Variants in ARHGEF28 observed in about 807,000 individuals in gnomAD.
ARHGEF28 encodes 190 kDa guanine nucleotide exchange factor.
In ARHGEF28, 152 loss-of-function variants were observed where a neutral mutation model predicts 206.6. The ratio of observed to expected loss-of-function variants is 0.74; its 90% CI spans 0.64 to 0.84. ARHGEF28 has a LOEUF of 0.84. Ranked by LOEUF, ARHGEF28 falls within the 40% of genes least tolerant of loss-of-function variation. The pLI is 0.00. For missense variants in ARHGEF28, 2,028 were observed against 2,073.2 expected (o/e 0.98, Z 0.42); for synonymous variants, 763 against 776.4 (o/e 0.98, Z 0.29).
intron 25 of ARHGEF28, 183 bp from the exon 26 acceptor site, chr5:73,887,420 A>C (rs1416478299): frequency 6.7e-6 from 3 of 448,950 alleles, no homozygotes; most frequent in Non-Finnish European, 1.2e-5. Flanking sequence ...AGCCACACAC[A>C]AACATGCACA....
At position 73,870,120 on chromosome 5, in the gene ARHGEF28, T is replaced by C; in HGVS notation, c.2477T>C (p.Phe826Ser). 6.2e-7 allele frequency: 1 copy of C among 1,613,972 alleles called. No homozygotes were observed. The change falls in exon 21 of 36, where the codon TTT (phenylalanine) becomes TCT (serine). Residue 826 changes from phenylalanine to serine, a missense_variant. Coordinates refer to ENST00000513042, the MANE Select transcript of ARHGEF28 (RefSeq NM_001177693.2). ...GACCTCAGCAGTGATGCCCAGGAGT[T>C]TGAAGCAGAATCTTGGAGTCTTGTG... The part of the protein sequence containing the change: ...WSDLSSDAQE[F>S]EAESWSLVVD...
intron 2 of ARHGEF28, among the ~76,000 whole-genome samples, chr5:73,725,330 T>C (rs1750205792): frequency 1.3e-5 from 2 of 152,252 alleles, no homozygotes; most frequent in African/African-American, 4.8e-5. Context: ...CGTAGTCCTC[T>C]ATTATATGAA....
At chr5:73,717,108 C>G (rs1157375130) in intron 2 of ARHGEF28, among the ~76,000 whole-genome samples, 2 of 152,140 alleles carry the variant, frequency 1.3e-5, no homozygotes, top group Non-Finnish European at 2.9e-5. Context: ...TCCACCCAAA[C>G]AAATCCTTAG....
intron 35 of ARHGEF28, among the ~76,000 whole-genome samples, chr5:73,928,603 A>G (rs1763946577): frequency 6.6e-6 from 1 of 152,190 alleles, no homozygotes. Context: ...AAGAATTTTA[A>G]CAGCTGTTTT....
intron 9 of ARHGEF28, among the ~76,000 whole-genome samples, chr5:73,817,835 A>G (rs1157173935): frequency 6.6e-6 from 1 of 152,122 alleles, no homozygotes; most frequent in East Asian, 1.9e-4. Context: ...TTCAATGGGT[A>G]GCTACCTTGG....
At chr5:73,783,760 A>T (rs557656867) in intron 7 of ARHGEF28, among the ~76,000 whole-genome samples, 42 of 152,228 alleles carry the variant, frequency 2.8e-4, no homozygotes, top group African/African-American at 9.4e-4. Flanking sequence ...GCCTTCCAGG[A>T]AGCAGAATTG....
rs1047173047 is a variant in ARHGEF28, at chr5:73,724,081, A to G, written c.34-25756A>G. 4.6e-5 allele frequency among the ~76,000 whole-genome samples: 7 copies of G among 152,294 alleles called. No homozygotes were observed. The East Asian group carries it at 1.2e-3, about 25-fold the overall frequency. On this transcript the variant is annotated intron_variant, in intron 2 of 35. Coordinates refer to ENST00000513042, the MANE Select transcript of ARHGEF28 (RefSeq NM_001177693.2). The stretch of plus-strand genomic sequence containing the variant: ...GGCAGGCCTGAGCATCCTGAACCTT[A>G]TTTCATCCATGCACCTCTGTTAAAA...
At chr5:73,800,008 A>G (rs576353259) in intron 9 of ARHGEF28, among the ~76,000 whole-genome samples, 2 of 152,316 alleles carry the variant, frequency 1.3e-5, no homozygotes, top group African/African-American at 4.8e-5. Context: ...TCTTGGAAAA[A>G]AATTATGTTA....
At chr5:73,646,139 A>G (rs533561115) in intron 1 of ARHGEF28, among the ~76,000 whole-genome samples, 9 of 152,232 alleles carry the variant, frequency 5.9e-5, no homozygotes, top group African/African-American at 2.2e-4. Flanking sequence ...CAGATACCCA[A>G]AAGTCTGTTT....
intron 2 of ARHGEF28, among the ~76,000 whole-genome samples, chr5:73,716,016 G>A (rs977518276): frequency 2.6e-5 from 4 of 152,152 alleles, no homozygotes; most frequent in Non-Finnish European, 5.9e-5. Flanking sequence ...TGTTACAAAA[G>A]GAAGGGAGGA....
intron 7 of ARHGEF28, among the ~76,000 whole-genome samples, chr5:73,783,374 G>A (rs6898055): frequency 1.4e-4 from 18 of 130,854 alleles, no homozygotes; most frequent in South Asian, 2.5e-4. Flanking sequence ...GTGTGTGTGT[G>A]TGTGTGTGTG....
intron 4 of ARHGEF28, among the ~76,000 whole-genome samples, chr5:73,759,048 A>G (rs927309675): frequency 2.0e-5 from 3 of 152,198 alleles, no homozygotes; most frequent in Non-Finnish European, 4.4e-5. Flanking sequence ...AACACAGCTG[A>G]TGTATTTAGA....
chr5:73,654,867 G>A (rs1046315928), intron 1 of ARHGEF28, among the ~76,000 whole-genome samples: 41 of 152,090 alleles, frequency 2.7e-4, no homozygotes, highest in African/African-American at 8.7e-4. Context: ...AAAACCTGAC[G>A]TTCACAGTAA....
intron 1 of ARHGEF28, among the ~76,000 whole-genome samples, chr5:73,639,173 T>C (rs1000362469): frequency 6.6e-6 from 1 of 151,228 alleles, no homozygotes; most frequent in Non-Finnish European, 1.5e-5. Flanking sequence ...TTACATGAAG[T>C]ATTGTTCATT....
intron 22 of ARHGEF28, among the ~76,000 whole-genome samples, chr5:73,881,064 C>G (rs2973581): frequency 0.6 from 89,249 of 149,554 alleles, 27,171 homozygotes; most frequent in African/African-American, 0.71. Context: ...CTATGGCTGT[C>G]CAATTGCTCC....
rs1304088933 is a variant in ARHGEF28, at chr5:73,867,996, G to A, written c.2273G>A (p.Ser758Asn). The change falls in exon 19 of 36, where the codon AGT becomes AAT. Residue 758 changes from serine to asparagine, a missense_variant. Around this residue, in one of 3 missense-constraint regions of ARHGEF28, gnomAD observed 1,002 missense variants for 1,015.3 expected, o/e 0.99. Coordinates refer to ENST00000513042, the MANE Select transcript of ARHGEF28 (RefSeq NM_001177693.2). ...TVGQVHPLSR[S>N]VPGTTLESFR... ...GGACAGGTCCATCCATTGTCCAGAA[G>A]TGTTCCAGGCACCACCTTGGAAAGG... The A allele has an allele frequency of 1.2e-6, 2 of 1,613,856 alleles. No individual in the cohort carries two copies. Among genetic ancestry groups the A allele is most frequent in the Non-Finnish European group, 1.7e-6 (2 of 1,179,882 alleles).
intron 4 of ARHGEF28, among the ~76,000 whole-genome samples, chr5:73,773,391 G>A (rs542209677): frequency 9.2e-5 from 14 of 152,198 alleles, no homozygotes; most frequent in Non-Finnish European, 1.9e-4. Context: ...CTTCTTATCA[G>A]GGGAGGAGCG....
At position 73,851,498 on chromosome 5, in the gene ARHGEF28, T is replaced by C. The variant is rs191700309; in HGVS notation, c.1748-1152T>C. On this transcript the variant is annotated intron_variant, in intron 13 of 35. Transcript: ENST00000513042. ...ACAAAATCCAGTTTTATAATTCCCTTTGGTCTATTATAGATTTAGGCAGAA... is the reference window on the plus strand; with the variant it reads ...ACAAAATCCAGTTTTATAATTCCCTCTGGTCTATTATAGATTTAGGCAGAA... Among the ~76,000 whole-genome samples, 331 of 152,190 alleles carry C rather than the reference T, an allele frequency of 2.2e-3. 3 individuals are homozygous for C. The highest frequency in any genetic ancestry group is 2.0e-3 in the Non-Finnish European group (135 of 67,998).
intron 7 of ARHGEF28, among the ~76,000 whole-genome samples, chr5:73,791,732 C>G (rs1441046318): frequency 6.6e-6 from 1 of 152,140 alleles, no homozygotes; most frequent in Non-Finnish European, 1.5e-5. Context: ...TGCAGTGTCA[C>G]TAGTAAACAT....
Sources: allele counts gnomAD v4.1 joint callset (sites outside exome capture counted in the v4.1 genomes callset), GRCh38; gene constraint gnomAD v4.1.1; regional missense constraint gnomAD v4.1.1; transcripts MANE v1.5; gene names NCBI Gene and HGNC (gene_info 2026-07-23, HGNC 2026-07-21).